Variants in FHIT observed in about 807,000 individuals in gnomAD.
FHIT encodes fragile histidine triad diadenosine triphosphatase, also known as bis(5'-adenosyl)-triphosphatase.
In FHIT, 19 loss-of-function variants were observed where a neutral mutation model predicts 17.9. The ratio of observed to expected loss-of-function variants is 1.06; its 90% confidence interval spans 0.74 to 1.56. The LOEUF is 1.56. FHIT is among the 40% of genes most tolerant of loss of function. The pLI is 0.00. For synonymous variants in FHIT, 81 were observed against 69.7 expected (o/e 1.16, Z -0.81); for missense variants, 248 against 189.2 (o/e 1.31, Z -1.82).
chr3:60,808,428 A>G (rs183710790), intron 4 of FHIT, among the ~76,000 whole-genome samples: 8 of 152,272 alleles, frequency 5.3e-5, no homozygotes, highest in African/African-American at 1.9e-4. Context: ...AAATACCTAC[A>G]TGGCCGTCCT....
At chr3:60,973,736 C>A (rs1358402366) in intron 3 of FHIT, among the ~76,000 whole-genome samples, 1 of 152,102 alleles carries the variant, frequency 6.6e-6, no homozygotes, top group African/African-American at 2.4e-5. Context: ...GAAGTATTGA[C>A]CTTCACTAGG....
intron 5 of FHIT, among the ~76,000 whole-genome samples, chr3:60,115,076 T>G (rs967277913): frequency 6.6e-6 from 1 of 152,086 alleles, no homozygotes; most frequent in East Asian, 1.9e-4. Flanking sequence ...GAGCAGAAAA[T>G]TGAGCCATAT....
At chr3:61,196,629 C>A (rs1387653450) in intron 2 of FHIT, among the ~76,000 whole-genome samples, 1 of 152,118 alleles carries the variant, frequency 6.6e-6, no homozygotes, top group African/African-American at 2.4e-5. Context: ...GAGATGACAT[C>A]TTCACCTGGG....
In FHIT at chr3:60,955,633, T is replaced by TATATATATATATACAC. The variant is rs1272864632; in HGVS notation, c.-111+86413_-111+86414insGTGTATATATATATAT. 2.3e-3 allele frequency among the ~76,000 whole-genome samples: 89 copies of TATATATATATATACAC among 39,310 alleles called. 2 individuals carry two copies. The highest frequency in any genetic ancestry group is 0.014 in the Middle Eastern group (1 of 72). 25.8% of individuals were successfully genotyped at this position (39,310 alleles called of 152,430 possible). On this transcript the variant is annotated intron_variant, in intron 3 of 9. Transcript: ENST00000492590. Reference sequence around the variant, plus strand: ...ATATATATATATATATATATATATATACACACACACACATATATACATGTG... The same window carrying TATATATATATATACAC: ...ATATATATATATATATATATATATATATATATATATATACACACACACACACACATATATACATGTG...
intron 4 of FHIT, among the ~76,000 whole-genome samples, chr3:60,700,127 T>C (rs2041210273): frequency 1.7e-5 from 1 of 60,206 alleles, no homozygotes; most frequent in African/African-American, 4.3e-5. Context: ...CGAGAGTCTG[T>C]CTCAAAAAAA....
At chr3:60,545,787 C>A (rs1352699248) in intron 4 of FHIT, among the ~76,000 whole-genome samples, 1 of 152,158 alleles carries the variant, frequency 6.6e-6, no homozygotes, top group Non-Finnish European at 1.5e-5. Context: ...AATCCACATG[C>A]CCTCTGAAAT....
intron 4 of FHIT, among the ~76,000 whole-genome samples, chr3:60,561,125 G>T (rs185051207): frequency 6.6e-6 from 1 of 151,750 alleles, no homozygotes; most frequent in African/African-American, 2.4e-5. Context: ...TCTTAGAAGA[G>T]CCTACTGTTG....
intron 3 of FHIT, among the ~76,000 whole-genome samples, chr3:61,035,879 T>C (rs1278244402): frequency 6.6e-6 from 1 of 152,200 alleles, no homozygotes; most frequent in Non-Finnish European, 1.5e-5. Flanking sequence ...TTAGCATGCA[T>C]ATTCCAATAG....
At chr3:60,956,328 T>C (rs1474017530) in intron 3 of FHIT, among the ~76,000 whole-genome samples, 1 of 152,178 alleles carries the variant, frequency 6.6e-6, no homozygotes, top group Non-Finnish European at 1.5e-5. Context: ...GGATAGCAAG[T>C]ACAGCCAGGC....
intron 8 of FHIT, among the ~76,000 whole-genome samples, chr3:59,899,165 C>G (rs1392944977): frequency 1.3e-5 from 2 of 152,200 alleles, no homozygotes; most frequent in Non-Finnish European, 2.9e-5. Flanking sequence ...GCATTTTGCT[C>G]CTCCACTCAC....
intron 5 of FHIT, among the ~76,000 whole-genome samples, chr3:60,509,872 T>G (rs966311782): frequency 1.3e-5 from 2 of 152,232 alleles, no homozygotes; most frequent in African/African-American, 2.4e-5. Context: ...TTACAGTTTT[T>G]TTGTTTCAAT....
intron 5 of FHIT, among the ~76,000 whole-genome samples, chr3:60,301,079 G>A (rs2106709109): frequency 6.6e-6 from 1 of 152,048 alleles, no homozygotes; most frequent in East Asian, 1.9e-4. Flanking sequence ...CCGTTTCTCA[G>A]GAGACTTATC....
chr3:60,784,442 T>C (rs1050827456), intron 4 of FHIT, among the ~76,000 whole-genome samples: 11 of 151,722 alleles, frequency 7.3e-5, no homozygotes, highest in Non-Finnish European at 1.5e-4. Context: ...GCTCAAGTGA[T>C]CCCCTGCCTC....
At chr3:60,758,083 C>G (rs1451009573) in intron 4 of FHIT, among the ~76,000 whole-genome samples, 1 of 152,110 alleles carries the variant, frequency 6.6e-6, no homozygotes, top group African/African-American at 2.4e-5. Flanking sequence ...GATATTAGTC[C>G]CTCAGCACCC....
intron 5 of FHIT, among the ~76,000 whole-genome samples, chr3:60,161,980 T>C (rs1700961265): frequency 6.6e-6 from 1 of 152,096 alleles, no homozygotes; most frequent in Non-Finnish European, 1.5e-5. Flanking sequence ...AAGAAGAAGG[T>C]AAACCGGACG....
chr3:60,700,737 A>G (rs1432667758), intron 4 of FHIT, among the ~76,000 whole-genome samples: 5 of 152,174 alleles, frequency 3.3e-5, no homozygotes, highest in African/African-American at 1.2e-4. Flanking sequence ...GATATTATCA[A>G]TATTTTCCAA....
At chr3:59,953,375 C>T (rs1707221250) in intron 7 of FHIT, among the ~76,000 whole-genome samples, 1 of 152,056 alleles carries the variant, frequency 6.6e-6, no homozygotes, top group Admixed American at 6.5e-5. Context: ...GAGTGTCTCC[C>T]TATGCACACA....
At chr3:61,143,779 T>C (rs1004819093) in intron 2 of FHIT, among the ~76,000 whole-genome samples, 5 of 152,252 alleles carry the variant, frequency 3.3e-5, no homozygotes, top group Admixed American at 6.5e-5. Context: ...GACAGGAGAA[T>C]TGCTTGAACC....
intron 8 of FHIT, among the ~76,000 whole-genome samples, chr3:59,895,564 C>G (rs1382635344): frequency 1.3e-5 from 2 of 152,180 alleles, no homozygotes; most frequent in African/African-American, 2.4e-5. Flanking sequence ...CCTATCTTCC[C>G]TAGAGAAGTA....
Sources: gnomAD v4.1 joint callset for allele counts (sites outside exome capture counted in the v4.1 genomes callset) on GRCh38, gnomAD v4.1.1 for gene constraint, MANE v1.5 for transcripts, NCBI Gene and HGNC (gene_info 2026-07-23, HGNC 2026-07-21) for gene names.